Variants in SCMH1 observed in about 807,000 individuals in gnomAD.
The protein encoded by SCMH1 is polycomb protein SCMH1.
SCMH1 carries 37 observed loss-of-function variants against 70.8 expected under a neutral mutation model. The ratio of observed to expected loss-of-function variants is 0.52; its 90% CI spans 0.40 to 0.69. SCMH1 has a LOEUF of 0.69. Ranked by LOEUF, SCMH1 falls within the 30% of genes least tolerant of loss-of-function variation. SCMH1 has a pLI of 0.00. For missense variants in SCMH1, 607 were observed against 827.3 expected (o/e 0.73, Z 3.27); for synonymous variants, 292 against 307.4 (o/e 0.95, Z 0.52).
intron 2 of SCMH1, among the ~76,000 whole-genome samples, chr1:41,172,610 A>T (rs1387537127): frequency 1.3e-5 from 2 of 152,210 alleles, no homozygotes; most frequent in Non-Finnish European, 2.9e-5. Flanking sequence ...GAACCATTAA[A>T]GTCTCTGAAT....
intron 10 of SCMH1, among the ~76,000 whole-genome samples, chr1:41,063,395 C>T (rs1039201725): frequency 5.3e-5 from 8 of 151,456 alleles, no homozygotes; most frequent in Non-Finnish European, 1.2e-4. Flanking sequence ...ATCACTTGAA[C>T]CTGGGAGGTG....
intron 1 of SCMH1, among the ~76,000 whole-genome samples, chr1:41,211,584 C>T (rs963589522): frequency 6.6e-6 from 1 of 152,174 alleles, no homozygotes; most frequent in Non-Finnish European, 1.5e-5. Flanking sequence ...TAAATTAGTT[C>T]AACCACTGTG....
chr1:41,062,742 AAAAAAAAAAAAAAAG>A (rs1211872088), intron 10 of SCMH1, among the ~76,000 whole-genome samples: 39 of 147,210 alleles, frequency 2.6e-4, no homozygotes, highest in African/African-American at 9.4e-4. Flanking sequence ...CCATCTCAGA[AAAAAAAAAAAAAAAG>A]AAAAAGAAAA....
chr1:41,193,006 C>CT (rs1652100552), intron 1 of SCMH1, among the ~76,000 whole-genome samples: 2 of 152,200 alleles, frequency 1.3e-5, no homozygotes, highest in African/African-American at 4.8e-5. Flanking sequence ...ATATAATACA[C>CT]TAACAAATGA....
intron 1 of SCMH1, among the ~76,000 whole-genome samples, chr1:41,238,226 C>T (rs537366081): frequency 2.0e-5 from 3 of 152,080 alleles, no homozygotes; most frequent in African/African-American, 4.8e-5. Context: ...CTGATTGTTC[C>T]CTACCCACCC....
intron 1 of SCMH1, among the ~76,000 whole-genome samples, chr1:41,199,475 G>A (rs893411234): frequency 6.6e-6 from 1 of 152,112 alleles, no homozygotes; most frequent in Non-Finnish European, 1.5e-5. Flanking sequence ...CCTGGTAGGT[G>A]TTTTTATTAC....
intron 6 of SCMH1, among the ~76,000 whole-genome samples, chr1:41,125,730 T>C (rs569559185): frequency 1.3e-4 from 19 of 150,778 alleles, no homozygotes; most frequent in Non-Finnish European, 2.5e-4. Flanking sequence ...CGTGACACCA[T>C]GTCCAGCTCA....
chr1:41,110,952 T>A (rs970804874), intron 8 of SCMH1, among the ~76,000 whole-genome samples: 1 of 152,222 alleles, frequency 6.6e-6, no homozygotes, highest in Non-Finnish European at 1.5e-5. Context: ...ACATTTGTTA[T>A]TATCTGTCTT....
intron 2 of SCMH1, among the ~76,000 whole-genome samples, chr1:41,169,560 T>C (rs1646648175): frequency 6.6e-6 from 1 of 152,256 alleles, no homozygotes; most frequent in Non-Finnish European, 1.5e-5. Flanking sequence ...ATATAATCCT[T>C]TGGGAGACAG....
At chr1:41,073,253 G>A (rs528956449) in intron 9 of SCMH1, among the ~76,000 whole-genome samples, 1 of 152,230 alleles carries the variant, frequency 6.6e-6, no homozygotes, top group Admixed American at 6.5e-5. Context: ...TCCATTTTGG[G>A]ATAGATTTAA....
chr1:41,097,898 A>G (rs1665525638), intron 8 of SCMH1, among the ~76,000 whole-genome samples: 1 of 152,190 alleles, frequency 6.6e-6, no homozygotes, highest in Non-Finnish European at 1.5e-5. Flanking sequence ...AAGCCGTGCT[A>G]TTCTTTCACC....
At chr1:41,102,505 TC>T (rs1666871662) in intron 8 of SCMH1, among the ~76,000 whole-genome samples, 2 of 152,172 alleles carry the variant, frequency 1.3e-5, no homozygotes, top group Admixed American at 1.3e-4. Flanking sequence ...CATATCCAGC[TC>T]CTTTTTTCTC....
intron 1 of SCMH1, among the ~76,000 whole-genome samples, chr1:41,209,157 CT>C (rs1656371026): frequency 6.6e-6 from 1 of 152,150 alleles, no homozygotes; most frequent in South Asian, 2.1e-4. Flanking sequence ...CCTCCCAAGA[CT>C]AAACCAGGAA....
At chr1:41,100,293 T>C (rs894597017) in intron 8 of SCMH1, among the ~76,000 whole-genome samples, 4 of 152,150 alleles carry the variant, frequency 2.6e-5, no homozygotes, top group African/African-American at 9.7e-5. Context: ...GGCAACATAG[T>C]GAGATCTCGT....
rs772818669 is a variant in SCMH1 at position 41,075,346 on chromosome 1, C to A, written c.851G>T (p.Gly284Val). The change falls in exon 9 of 15, where the codon GGG becomes GTG. Residue 284 changes from glycine (G) to valine (V), a missense_variant. Physicochemically the swap from Gly to Val is moderately radical, Grantham distance 109 (BLOSUM62 -3). Transcript: ENST00000337495. ...GCCCCGCTTCTTTCCTGGTTTACGC[C>A]CCCTCTGCCCTGGTTGATGTTCCAA... The A allele has an allele frequency of 1.9e-6, 3 of 1,613,956 alleles. No homozygotes were observed. Among genetic ancestry groups the A allele is most frequent in the Non-Finnish European group, 2.5e-6 (3 of 1,180,012 alleles).
At chr1:41,219,409 T>G (rs1323077799) in intron 1 of SCMH1, among the ~76,000 whole-genome samples, 1 of 152,120 alleles carries the variant, frequency 6.6e-6, no homozygotes, top group Non-Finnish European at 1.5e-5. Flanking sequence ...GAAGTATGGG[T>G]GGCCTGGGGA....
intron 2 of SCMH1, among the ~76,000 whole-genome samples, chr1:41,179,853 A>C (rs1195233538): frequency 6.6e-6 from 1 of 152,220 alleles, no homozygotes; most frequent in African/African-American, 2.4e-5. Flanking sequence ...AATCCTCCCT[A>C]ACTCATTTTA....
chr1:41,182,600 A>G (rs948317784), intron 2 of SCMH1, among the ~76,000 whole-genome samples: 6 of 152,166 alleles, frequency 3.9e-5, no homozygotes, highest in African/African-American at 1.4e-4. Context: ...GATTTCAGCT[A>G]CTCAAGGGGC....
chr1:41,108,942 C>T (rs147913320), intron 8 of SCMH1, among the ~76,000 whole-genome samples: 43 of 152,284 alleles, frequency 2.8e-4, no homozygotes, highest in African/African-American at 9.4e-4. Flanking sequence ...CAGTTCAGTG[C>T]TCTGATACTA....
Sources: gnomAD v4.1 joint callset for allele counts (sites outside exome capture counted in the v4.1 genomes callset) on GRCh38, gnomAD v4.1.1 for gene constraint, MANE v1.5 for transcripts, NCBI Gene and HGNC (gene_info 2026-07-23, HGNC 2026-07-21) for gene names.